Variants in SENP6 observed in about 807,000 individuals in gnomAD.
SENP6 encodes SUMO specific peptidase 6, also known as sentrin-specific protease 6.
In SENP6, 41 loss-of-function variants were observed where a neutral mutation model predicts 134.5. The observed-to-expected ratio is 0.30, with a 90% confidence interval of 0.24 to 0.40. SENP6 has a LOEUF of 0.40. Among genes scored for constraint, SENP6 ranks in the 10% least tolerant of loss-of-function variants. SENP6 has a pLI of 1.00. For missense variants in SENP6, 1,248 were observed against 1,312.5 expected (o/e 0.95, Z 0.76); for synonymous variants, 395 against 429.8 (o/e 0.92, Z 1.00).
chr6:75,630,602 A>G (rs1279356064), intron 3 of SENP6, among the ~76,000 whole-genome samples: 1 of 152,144 alleles, frequency 6.6e-6, no homozygotes, highest in Non-Finnish European at 1.5e-5. Context: ...TGGTTTCTCC[A>G]TTTGAAAATG....
At chr6:75,672,893 T>C (rs1371485104) in intron 11 of SENP6, among the ~76,000 whole-genome samples, 2 of 152,150 alleles carry the variant, frequency 1.3e-5, no homozygotes, top group Admixed American at 1.3e-4. Flanking sequence ...AGTGGCGCAA[T>C]CTCGGCTCAC....
chr6:75,635,158 A>G (rs1477547864), intron 5 of SENP6: 2 of 333,940 alleles, frequency 6.0e-6, no homozygotes, highest in Non-Finnish European at 1.2e-5. Context: ...TACAGTTAAT[A>G]CCGTACTTTC....
chr6:75,633,663 G>A lies in SENP6; in HGVS notation c.290G>A (p.Ser97Asn), dbSNP rs1769284319. 2 of 1,612,408 alleles carry A rather than the reference G, an allele frequency of 1.2e-6. No individual in the cohort carries two copies. The highest frequency in any genetic ancestry group is 2.2e-5 in the South Asian group (2 of 90,784). ...KTYVRRNKSE[S>N]FKTLKGNPIG... ...TATGTAAGACGAAACAAGTCTGAAA[G>A]TTTTAAAACTTTGAAAGGCAACCCA... Residue 97 changes from serine (S) to asparagine (N), a missense_variant, in exon 4 of 24, where the codon AGT (serine) becomes AAT (asparagine). Ser to Asn is a conservative substitution (Grantham distance 46). Coordinates refer to ENST00000447266, the MANE Select transcript of SENP6 (RefSeq NM_015571.4).
At chr6:75,678,398 G>C in intron 14 of SENP6, 185 bp from the exon 15 acceptor site, 1 of 516,672 alleles carries the variant, frequency 1.9e-6, no homozygotes, top group Non-Finnish European at 3.4e-6. Flanking sequence ...AGAAGCTACA[G>C]ATAATAAGAA....
rs1191776098 is a variant in SENP6, at chr6:75,715,485, A to G, written c.3230A>G (p.Lys1077Arg). The G allele has an allele frequency of 6.2e-7, 1 of 1,613,556 alleles. No homozygotes were observed. The highest frequency in any genetic ancestry group is 8.5e-7 in the Non-Finnish European group (1 of 1,179,576). Residue 1077 changes from lysine to arginine, a missense_variant, in exon 24 of 24, where the codon AAG becomes AGG. This residue lies in a region of SENP6 where 386 missense variants were observed against 395.0 expected (regional missense o/e 0.98). Coordinates refer to ENST00000447266, the MANE Select transcript of SENP6 (RefSeq NM_015571.4). ...GAAGAAATCCGAAACATAATTCTGA[A>G]GCTACAGGAAGATCAGAGCAAAGAG... ...KREEIRNIIL[K>R]LQEDQSKEKR...
At chr6:75,611,892 A>G (rs985683444) in intron 1 of SENP6, 5 of 152,282 alleles carry the variant, frequency 3.3e-5, no homozygotes, top group Admixed American at 6.5e-5. Context: ...TAGATAGACT[A>G]GTGAAGCTGG....
chr6:75,613,744 T>C (rs1489867184), intron 1 of SENP6, among the ~76,000 whole-genome samples: 2 of 152,180 alleles, frequency 1.3e-5, no homozygotes, highest in Non-Finnish European at 2.9e-5. Context: ...TAACTTACCC[T>C]TATTTGTTTA....
chr6:75,627,682 A>T (rs1014776021), intron 3 of SENP6, among the ~76,000 whole-genome samples: 1 of 151,940 alleles, frequency 6.6e-6, no homozygotes, highest in African/African-American at 2.4e-5. Context: ...TAGCTTTCAG[A>T]TTGCTTTTTT....
intron 7 of SENP6, among the ~76,000 whole-genome samples, chr6:75,656,652 A>C (rs1163713725): frequency 6.6e-6 from 1 of 152,128 alleles, no homozygotes; most frequent in Non-Finnish European, 1.5e-5. Flanking sequence ...TGAGGCTAAC[A>C]TTTTTGTGTT....
intron 4 of SENP6, 70 bp downstream of exon 4, chr6:75,633,796 C>A (rs1769294000): frequency 7.4e-7 from 1 of 1,352,904 alleles, no homozygotes; most frequent in Non-Finnish European, 1.0e-6. Flanking sequence ...AACTTAGAAG[C>A]TAATAGGCCC....
At chr6:75,705,024 A>G (rs1562072131) in intron 19 of SENP6, among the ~76,000 whole-genome samples, 4 of 152,124 alleles carry the variant, frequency 2.6e-5, no homozygotes. Context: ...TACAGGCCAA[A>G]ATGGAGTTTC....
intron 5 of SENP6, among the ~76,000 whole-genome samples, chr6:75,636,891 T>TA (rs1554163309): frequency 7.0e-4 from 106 of 151,332 alleles, no homozygotes; most frequent in African/African-American, 2.2e-3. Context: ...TTTTTTTTTT[T>TA]AATTATAGAG....
At chr6:75,606,862 T>C (rs1767067107) in intron 1 of SENP6, among the ~76,000 whole-genome samples, 1 of 152,158 alleles carries the variant, frequency 6.6e-6, no homozygotes, top group Non-Finnish European at 1.5e-5. Context: ...CCTGAAATCA[T>C]GAGAATTGGA....
intron 7 of SENP6, among the ~76,000 whole-genome samples, chr6:75,653,692 T>C (rs1037805294): frequency 2.0e-5 from 3 of 151,198 alleles, no homozygotes; most frequent in Admixed American, 6.6e-5. Context: ...ATTTTGCAAA[T>C]ATATTTGTAA....
At chr6:75,651,902 A>G (rs1270030428) in intron 7 of SENP6, among the ~76,000 whole-genome samples, 4 of 152,124 alleles carry the variant, frequency 2.6e-5, no homozygotes, top group Non-Finnish European at 5.9e-5. Flanking sequence ...TGCACCAGCT[A>G]TGGTAGTTCA....
intron 10 of SENP6, among the ~76,000 whole-genome samples, chr6:75,668,263 C>T (rs1772400667): frequency 6.6e-6 from 1 of 152,086 alleles, no homozygotes; most frequent in Non-Finnish European, 1.5e-5. Context: ...GCCTTTCCCA[C>T]ATGGTAGCAC....
At chr6:75,608,062 A>G (rs900008313) in intron 1 of SENP6, among the ~76,000 whole-genome samples, 1 of 152,202 alleles carries the variant, frequency 6.6e-6, no homozygotes, top group African/African-American at 2.4e-5. Flanking sequence ...TTACTTAAGT[A>G]TGTTTATTTC....
intron 4 of SENP6, among the ~76,000 whole-genome samples, chr6:75,634,299 A>G (rs1309650397): frequency 6.6e-6 from 1 of 152,038 alleles, no homozygotes; most frequent in East Asian, 1.9e-4. Flanking sequence ...TTATTTTAGT[A>G]TTCTGCTTTA....
Position 75,622,942 on chromosome 6 carries a change from AAAC to A in SENP6, c.147-955_147-953del, listed in dbSNP as rs1384315470. The A allele has an allele frequency of 1.0e-5, 6 of 589,424 alleles. No homozygotes were observed. The African/African-American group carries it at 1.2e-4, about 11-fold the overall frequency. The allele number at this position is 589,424 out of a possible 1,614,324, so 36.5% of individuals were successfully genotyped here. A position where few individuals can be genotyped will look rare whatever the true frequency, so the allele number is the denominator to read the frequency against. On this transcript the variant is annotated intron_variant, in intron 2 of 23. Coordinates refer to ENST00000447266, the MANE Select transcript of SENP6 (RefSeq NM_015571.4). ...CTTTTTCTGATTACTTTAAAATATA[AAAC>A]AATTATTCAGTATGCATATAGTTTT... is the stretch of plus-strand genomic sequence containing the variant.
Sources: gnomAD v4.1 joint callset for allele counts (sites outside exome capture counted in the v4.1 genomes callset) on GRCh38, gnomAD v4.1.1 for gene constraint, gnomAD v4.1.1 regional missense constraint, MANE v1.5 for transcripts, NCBI Gene and HGNC (gene_info 2026-07-23, HGNC 2026-07-21) for gene names.